The following KASH5 variants were observed in gnomAD, a reference collection of about 807,000 sequenced individuals.
KASH5 encodes protein KASH5.
In KASH5, 72 loss-of-function variants were observed where a neutral mutation model predicts 84.2. The ratio of observed to expected loss-of-function variants is 0.85; its 90% CI spans 0.71 to 1.04. The LOEUF is 1.04. Among genes scored for constraint, KASH5 ranks in the 50% least tolerant of loss-of-function variants. The pLI, the probability that KASH5 is intolerant of heterozygous loss-of-function variation, is 0.00. For missense variants in KASH5, 650 were observed against 701.0 expected (o/e 0.93, Z 0.82); for synonymous variants, 260 against 279.1 (o/e 0.93, Z 0.68).
At chr19:49,410,266 C>T (rs1162850631) in intron 15 of KASH5, among the ~76,000 whole-genome samples, 1 of 152,178 alleles carries the variant, frequency 6.6e-6, no homozygotes, top group Non-Finnish European at 1.5e-5. Flanking sequence ...AATGTTAGCA[C>T]CTTTAAGAAA....
intron 6 of KASH5, 85 bp downstream of exon 6, chr19:49,397,802 C>A: frequency 6.6e-7 from 1 of 1,514,798 alleles, no homozygotes; most frequent in Non-Finnish European, 9.1e-7. Flanking sequence ...GGCTTGGGAT[C>A]CTTCAGGGAA....
At chr19:49,409,732 C>G in intron 14 of KASH5, 21 bp from the exon 15 acceptor site, 1 of 1,613,642 alleles carries the variant, frequency 6.2e-7, no homozygotes, top group Non-Finnish European at 8.5e-7. Flanking sequence ...TCCCTGACCT[C>G]GGAAACAACT....
intron 1 of KASH5, among the ~76,000 whole-genome samples, chr19:49,389,125 G>GTCAC (rs55754056): frequency 2.1e-5 from 2 of 97,376 alleles, no homozygotes; most frequent in African/African-American, 8.8e-5. Context: ...CAGAAATCCA[G>GTCAC]AGACCCCCGC....
In KASH5 at chr19:49,395,583, C is replaced by T. The variant is rs1974148366; in HGVS notation, c.336-186C>T. 1.5e-6 allele frequency: 1 copy of T among 650,984 alleles called. No individual in the cohort carries two copies. The highest frequency in any genetic ancestry group is 1.8e-5 in the South Asian group (1 of 54,156). 40.3% of individuals were successfully genotyped at this position (650,984 alleles called of 1,614,324 possible). On this transcript the variant is annotated intron_variant, in intron 4 of 19. Transcript: ENST00000447857. The surrounding 1 kb of genome is among the most constrained non-coding windows in gnomAD (Gnocchi z 4.4). ...CCTCCCCAACCCTTCACCAAACCCA[C>T]TCCTTGCCCCTCCTGCTTTTCCATC...
In KASH5 at chr19:49,416,261, C is replaced by T. The variant is rs955846723; in HGVS notation, c.1375-754C>T. Among the ~76,000 whole-genome samples, 5 of 152,138 alleles carry T rather than the reference C, an allele frequency of 3.3e-5. No individual in the cohort carries two copies. The highest frequency in any genetic ancestry group is 1.5e-5 in the Non-Finnish European group (1 of 68,022). ...AGGCTGGAGTGCAGTGGTGCGATCT[C>T]GGCTCACTGCAAGCTCCACCTCCCA... On this transcript the variant is annotated intron_variant, in intron 17 of 19. Transcript: ENST00000447857. The surrounding 1 kb of genome is among the most constrained non-coding windows in gnomAD (Gnocchi z 5.4).
intron 3 of KASH5, 43 bp downstream of exon 3, chr19:49,394,623 A>C: frequency 6.7e-7 from 1 of 1,484,838 alleles, no homozygotes; most frequent in East Asian, 2.3e-5. Flanking sequence ...TGCGGGCAGG[A>C]TGGGGTGGAG....
Position 49,412,338 on chromosome 19 carries a change from G to T in KASH5, c.1270-630G>T, listed in dbSNP as rs539601335. ...GGAGGGACAGAGCAGGGGTCAGACGGGATGTGGGTGATGGGGAGGGAGGAA... is the reference window on the plus strand; with the variant it reads ...GGAGGGACAGAGCAGGGGTCAGACGTGATGTGGGTGATGGGGAGGGAGGAA... On this transcript the variant is annotated intron_variant, in intron 15 of 19. Coordinates refer to ENST00000447857, the MANE Select transcript of KASH5 (RefSeq NM_144688.5). This position sits in a 1 kb window ranked among gnomAD's most constrained non-coding sequence, Gnocchi z 4.6. Among the ~76,000 whole-genome samples the T allele has an allele frequency of 2.7e-4, 41 of 152,204 alleles. 1 individual carries two copies. The highest frequency in any genetic ancestry group is 9.6e-4 in the African/African-American group (40 of 41,514).
rs9807898 is a variant in KASH5 at position 49,399,733 on chromosome 19, A to C, written c.798+226A>C. The C allele has an allele frequency of 0.54, 703,784 of 1,314,706 alleles. 190,020 individuals are homozygous for C. The highest frequency in any genetic ancestry group is 0.64 in the South Asian group (40,495 of 63,034). The allele number at this position is 1,314,706 out of a possible 1,614,324, so 81.4% of individuals were successfully genotyped here. A position where few individuals can be genotyped will look rare whatever the true frequency, so the allele number is the denominator to read the frequency against. The stretch of plus-strand genomic sequence containing the variant: ...ACATGGCTTCAGGCTGAGGCCACCT[A>C]CATAAGAGTGGACCAGTGCCTCCCT... On this transcript the variant is annotated intron_variant, in intron 9 of 19. Coordinates refer to ENST00000447857, the MANE Select transcript of KASH5 (RefSeq NM_144688.5). This position sits in a 1 kb window ranked among gnomAD's most constrained non-coding sequence, Gnocchi z 4.4.
intron 5 of KASH5, 28 bp from the exon 6 acceptor site, chr19:49,397,623 C>T (rs1411781796): frequency 1.2e-6 from 2 of 1,611,878 alleles, no homozygotes; most frequent in Non-Finnish European, 1.7e-6. Flanking sequence ...CCAGGGAAGC[C>T]AACATTCTCT....
At chr19:49,401,277 C>T (rs945863037) in intron 9 of KASH5, among the ~76,000 whole-genome samples, 3 of 152,166 alleles carry the variant, frequency 2.0e-5, no homozygotes, top group African/African-American at 7.2e-5. Context: ...CTCATTTCCC[C>T]AGGCCAGGGT....
Position 49,413,644 on chromosome 19 carries a change from G to A in KASH5, c.1328+618G>A, listed in dbSNP as rs141046337. On this transcript the variant is annotated intron_variant, in intron 16 of 19. Transcript: ENST00000447857. ...CTCTGGAGCTATGACCTCCCTCTGC[G>A]TCACCAGAGAAAGGAGGGGAGAAGG... is the stretch of plus-strand genomic sequence containing the variant. Among the ~76,000 whole-genome samples the A allele has an allele frequency of 4.5e-3, 689 of 152,272 alleles. 5 individuals carry two copies. Among genetic ancestry groups the A allele is most frequent in the African/African-American group, 0.015 (639 of 41,556 alleles).
At chr19:49,413,721 G>A (rs977177615) in intron 16 of KASH5, among the ~76,000 whole-genome samples, 12 of 152,120 alleles carry the variant, frequency 7.9e-5, no homozygotes, top group African/African-American at 2.9e-4. Flanking sequence ...AGTTTCCAGA[G>A]GTCAGGGGCA....
chr19:49,399,597 G>A lies in KASH5; in HGVS notation c.798+90G>A. 9 of 1,551,108 alleles carry A rather than the reference G, an allele frequency of 5.8e-6. No homozygotes were observed. The highest frequency in any genetic ancestry group is 7.8e-6 in the Non-Finnish European group (9 of 1,146,686). The stretch of plus-strand genomic sequence containing the variant: ...CCCTTCTGCCCCCAACACCCCAGCA[G>A]CCTGTCTTGGGGAGACCTCAGAATG... On this transcript the variant is annotated intron_variant, in intron 9 of 19. Transcript: ENST00000447857. The surrounding 1 kb of genome is among the most constrained non-coding windows in gnomAD (Gnocchi z 4.4).
intron 14 of KASH5, 60 bp downstream of exon 14, chr19:49,409,343 C>G: frequency 6.5e-7 from 1 of 1,528,060 alleles, no homozygotes; most frequent in Non-Finnish European, 9.0e-7. Flanking sequence ...CCAAACATCT[C>G]CCTACTCTGA....
intron 9 of KASH5, among the ~76,000 whole-genome samples, chr19:49,403,898 TA>T (rs965078123): frequency 8.5e-5 from 13 of 152,200 alleles, no homozygotes; most frequent in African/African-American, 3.1e-4. Context: ...AGAGCATCTA[TA>T]GATTGAGTTC....
At chr19:49,396,390 G>A (rs908270956) in intron 5 of KASH5, among the ~76,000 whole-genome samples, 3 of 152,078 alleles carry the variant, frequency 2.0e-5, no homozygotes, top group African/African-American at 7.2e-5. Context: ...GCATAGCTGG[G>A]ATTACAGGCA....
chr19:49,409,150 C>T (rs1410826460), intron 13 of KASH5, 46 bp from the exon 14 acceptor site: 2 of 1,602,526 alleles, frequency 1.2e-6, no homozygotes, highest in East Asian at 2.2e-5. Flanking sequence ...ACTGAGTGGC[C>T]ACCAGGCACA....
intron 1 of KASH5, chr19:49,389,595 G>A (rs1973934639): frequency 6.6e-6 from 1 of 152,450 alleles, no homozygotes; most frequent in African/African-American, 2.4e-5. Flanking sequence ...TCTCTTCAAA[G>A]ACCCGTGTTT....
intron 9 of KASH5, 36 bp from the exon 10 acceptor site, chr19:49,406,850 G>C (rs1030658798): frequency 6.4e-7 from 1 of 1,570,034 alleles, no homozygotes; most frequent in African/African-American, 1.4e-5. Context: ...ATTACCACTT[G>C]CTGGAATGAA....
Sources: gnomAD v4.1 joint callset for allele counts (sites outside exome capture counted in the v4.1 genomes callset) on GRCh38, gnomAD v4.1.1 for gene constraint, Gnocchi (gnomAD v3.1) non-coding constraint, MANE v1.5 for transcripts, NCBI Gene and HGNC (gene_info 2026-07-23, HGNC 2026-07-21) for gene names.